Variants in LRRC7 observed in about 807,000 individuals in gnomAD.
LRRC7 encodes leucine rich repeat containing 7.
In LRRC7, 23 loss-of-function variants were observed where a neutral mutation model predicts 175.7. That is an observed-to-expected ratio of 0.13 (90% CI 0.09 to 0.19). The LOEUF (loss-of-function observed/expected upper bound fraction) is 0.19, where lower values mean the gene tolerates loss of function less well. Ranked by LOEUF, LRRC7 falls within the 10% of genes least tolerant of loss-of-function variation. The pLI is 1.00. For synonymous variants in LRRC7, 685 were observed against 680.9 expected (o/e 1.01, Z -0.09); for missense variants, 1,354 against 1,904.7 (o/e 0.71, Z 5.38).
chr1:70,043,891 G>GT, intron 21 of LRRC7, 63 bp from the exon 22 acceptor site: 1 of 1,507,138 alleles, frequency 6.6e-7, no homozygotes, highest in East Asian at 2.3e-5. Context: ...ACATGTTCAT[G>GT]TAATTTATCA....
rs924960838 is a variant in LRRC7, at chr1:70,142,911, G to C, written c.*21024G>C. 2 of 151,854 alleles carry C rather than the reference G, an allele frequency of 1.3e-5. No homozygotes were observed. The highest frequency in any genetic ancestry group is 4.8e-5 in the African/African-American group (2 of 41,352). The allele number at this position is 151,854 out of a possible 1,614,324, so 9.4% of individuals were successfully genotyped here. The stretch of plus-strand genomic sequence containing the variant: ...ATATTATGTTTTGGATGTTTTCTAA[G>C]TATCTATGAAAATTATTTTTTCCTA... On this transcript the variant is annotated 3_prime_UTR_variant, in exon 27 of 27. Coordinates refer to ENST00000651989, the MANE Select transcript of LRRC7 (RefSeq NM_001370785.2).
At chr1:69,753,674 A>G (rs1670095300) in intron 2 of LRRC7, among the ~76,000 whole-genome samples, 1 of 152,060 alleles carries the variant, frequency 6.6e-6, no homozygotes, top group Admixed American at 6.6e-5. Context: ...TATACAGGTA[A>G]TATTTTAATA....
At chr1:69,758,575 G>T (rs912064864) in intron 2 of LRRC7, among the ~76,000 whole-genome samples, 1 of 151,960 alleles carries the variant, frequency 6.6e-6, no homozygotes, top group Non-Finnish European at 1.5e-5. Context: ...GTATGTTGCA[G>T]AATTTTGATA....
chr1:69,966,931 G>C lies in LRRC7; in HGVS notation c.712-13448G>C, dbSNP rs143694968. ...CTCCAGTTGAACTTTGTAACAATTT[G>C]AACTGATCAAGAAGTCTCCTGGCCA... is the stretch of plus-strand genomic sequence containing the variant. On this transcript the variant is annotated intron_variant, in intron 8 of 26. Transcript: ENST00000651989. Among the ~76,000 whole-genome samples, 998 of 152,306 alleles carry C rather than the reference G, an allele frequency of 6.6e-3. 9 individuals carry two copies. Among genetic ancestry groups the C allele is most frequent in the African/African-American group, 0.022 (918 of 41,566 alleles).
rs760887850 is a variant in LRRC7, at chr1:70,038,299, G to C, written c.2475G>C (p.Glu825Asp). Residue 825 changes from glutamate (E) to aspartate (D), a missense_variant, in exon 21 of 27, where the codon GAG (glutamate) becomes GAC (aspartate). This residue lies in a region of LRRC7 where 1,032 missense variants were observed against 1,227.2 expected (regional missense o/e 0.84). Transcript: ENST00000651989. ...TTGTTGCTGAGGAAACCACAGCCGA[G>C]AATGCCAACAGTAATCCTCTCTTAA... ...TGFVAEETTA[E>D]NANSNPLLSS... 2 of 1,613,990 alleles carry C rather than the reference G, an allele frequency of 1.2e-6. No individual in the cohort carries two copies. The highest frequency in any genetic ancestry group is 2.7e-5 in the African/African-American group (2 of 74,918).
rs78313935 is a variant in LRRC7 at position 70,095,852 on chromosome 1, G to T, written c.4545+6033G>T. 8.5e-3 allele frequency among the ~76,000 whole-genome samples: 1,291 copies of T among 152,126 alleles called. 12 individuals carry two copies. Among genetic ancestry groups the T allele is most frequent in the African/African-American group, 0.029 (1,214 of 41,504 alleles). On this transcript the variant is annotated intron_variant, in intron 25 of 26. Coordinates refer to ENST00000651989, the MANE Select transcript of LRRC7 (RefSeq NM_001370785.2). ...GCACTTAAAATTAGCTTATCAATAAGATCTTACATAATTACTAAAAAGAAT... is the reference window on the plus strand; with the variant it reads ...GCACTTAAAATTAGCTTATCAATAATATCTTACATAATTACTAAAAAGAAT...
intron 1 of LRRC7, among the ~76,000 whole-genome samples, chr1:69,643,998 C>CA (rs1217542213): frequency 6.6e-6 from 1 of 152,002 alleles, no homozygotes; most frequent in East Asian, 1.9e-4. Flanking sequence ...AAAAATGTAG[C>CA]AAAATTTGTG....
intron 18 of LRRC7, among the ~76,000 whole-genome samples, chr1:70,035,220 T>C (rs1287715387): frequency 6.6e-6 from 1 of 152,212 alleles, no homozygotes; most frequent in Non-Finnish European, 1.5e-5. Flanking sequence ...TGCATAAATA[T>C]ATATCACTAC....
Position 69,716,294 on chromosome 1 carries a change from C to A in LRRC7, c.100+37816C>A, listed in dbSNP as rs536145284. On this transcript the variant is annotated intron_variant, in intron 2 of 26. Transcript: ENST00000651989. ...TTATGGGAATTTTACACTATAATTA[C>A]CAAATAGTCTTGTAATTTTAAATTT... 19 of 414,094 alleles carry A rather than the reference C, an allele frequency of 4.6e-5. 2 individuals are homozygous for A. The South Asian group carries it at 6.6e-4, about 14-fold the overall frequency. 25.7% of individuals were successfully genotyped at this position (414,094 alleles called of 1,614,324 possible). A position where few individuals can be genotyped will look rare whatever the true frequency, so the allele number is the denominator to read the frequency against.
intron 25 of LRRC7, among the ~76,000 whole-genome samples, chr1:70,101,029 A>G (rs1664766582): frequency 6.6e-6 from 1 of 152,148 alleles, no homozygotes; most frequent in South Asian, 2.1e-4. Flanking sequence ...ATAGAGACTA[A>G]GTAAATATAG....
intron 26 of LRRC7, among the ~76,000 whole-genome samples, chr1:70,118,385 CT>C (rs1666001347): frequency 6.6e-6 from 1 of 151,340 alleles, no homozygotes. Flanking sequence ...AGATTTTTAA[CT>C]TAGGACTAAA....
At chr1:69,907,798 C>T (rs921625725) in intron 7 of LRRC7, among the ~76,000 whole-genome samples, 13 of 152,128 alleles carry the variant, frequency 8.5e-5, no homozygotes, top group East Asian at 1.9e-4. Context: ...GGAGGATTCC[C>T]TCTTTTTCTA....
rs559578338 is a variant in LRRC7, at chr1:69,713,450, T to C, written c.100+34972T>C. On this transcript the variant is annotated intron_variant, in intron 2 of 26. Transcript: ENST00000651989. ...GTCAAGGCCACCAGTGAGCCGTGAT[T>C]GTGCCACTGCACCCCAGCCTGGATG... Among the ~76,000 whole-genome samples the C allele has an allele frequency of 2.0e-5, 3 of 152,128 alleles. No individual in the cohort carries two copies. The East Asian group carries it at 5.8e-4, about 29-fold the overall frequency.
rs182480250 is a variant in LRRC7 at position 70,039,851 on chromosome 1, G to C, written c.3969+58G>C. On this transcript the variant is annotated intron_variant, in intron 21 of 26. Coordinates refer to ENST00000651989, the MANE Select transcript of LRRC7 (RefSeq NM_001370785.2). ...TCCTGCCTTTAGTGTTACTTTATTG[G>C]CATTTCTAAGCACATGTAGTGAAGC... 265 of 1,515,826 alleles carry C rather than the reference G, an allele frequency of 1.7e-4. No homozygotes were observed. The African/African-American group carries it at 3.2e-3, about 18-fold the overall frequency. 93.9% of individuals were successfully genotyped at this position (1,515,826 alleles called of 1,614,324 possible). A position where few individuals can be genotyped will look rare whatever the true frequency, so the allele number is the denominator to read the frequency against.
At chr1:69,753,792 GAT>G (rs769013724) in intron 2 of LRRC7, among the ~76,000 whole-genome samples, 7 of 152,002 alleles carry the variant, frequency 4.6e-5, no homozygotes, top group Non-Finnish European at 8.8e-5. Context: ...AAAGAAGATT[GAT>G]ATTGAGTGAG....
intron 7 of LRRC7, among the ~76,000 whole-genome samples, chr1:69,859,896 G>T (rs1014840553): frequency 6.6e-6 from 1 of 151,890 alleles, no homozygotes; most frequent in African/African-American, 2.4e-5. Flanking sequence ...AATATTTGTA[G>T]AAATTATATC....
At chr1:69,574,621 G>A (rs1645870276) in intron 1 of LRRC7, among the ~76,000 whole-genome samples, 1 of 152,122 alleles carries the variant, frequency 6.6e-6, no homozygotes. Context: ...GTCACAGATG[G>A]CGTAACTAAA....
intron 4 of LRRC7, among the ~76,000 whole-genome samples, chr1:69,815,894 C>T (rs989247237): frequency 6.6e-6 from 1 of 152,086 alleles, no homozygotes; most frequent in African/African-American, 2.4e-5. Flanking sequence ...AGCAGACTTG[C>T]CCCTTCTCAC....
intron 1 of LRRC7, among the ~76,000 whole-genome samples, chr1:69,640,979 G>T (rs1654114991): frequency 6.6e-6 from 1 of 151,348 alleles, no homozygotes; most frequent in South Asian, 2.1e-4. Flanking sequence ...AAATGATTCA[G>T]GAAACAAAAA....
Sources: gnomAD v4.1 joint callset for allele counts (sites outside exome capture counted in the v4.1 genomes callset) on GRCh38, gnomAD v4.1.1 for gene constraint, gnomAD v4.1.1 regional missense constraint, MANE v1.5 for transcripts, NCBI Gene and HGNC (gene_info 2026-07-23, HGNC 2026-07-21) for gene names.